Variants in MYL6B observed in about 807,000 individuals in gnomAD.
MYL6B encodes the protein myosin alkali light chain 1 slow a.
In MYL6B, 19 loss-of-function variants were observed where a neutral mutation model predicts 24.5. The observed-to-expected ratio is 0.78, with a 90% CI of 0.54 to 1.14. The LOEUF (loss-of-function observed/expected upper bound fraction) is 1.14, where lower values mean the gene tolerates loss of function less well. Among genes scored for constraint, MYL6B ranks in the 50% most tolerant of loss-of-function variants. The pLI is 0.00. For missense variants in MYL6B, 230 were observed against 263.8 expected, an observed-to-expected ratio of 0.87 and a Z score of 0.89; for synonymous variants, 90 against 100.7, an observed-to-expected ratio of 0.89 and a Z score of 0.64.
At chr12:56,152,791 C>T (rs1186295750) in intron 1 of MYL6B, among the ~76,000 whole-genome samples, 160 bp downstream of exon 1, 1 of 151,728 alleles carries the variant, frequency 6.6e-6, no homozygotes, top group Non-Finnish European at 1.5e-5. Context: ...AATGGGAGAC[C>T]CAGCATCAAC....
chr12:56,154,014 C>A (rs1336383361), exon 2 of MYL6B: 1 of 1,614,114 alleles, frequency 6.2e-7, no homozygotes, highest in African/African-American at 1.3e-5. Context: ...CTCCTCCAGC[C>A]AAGACCAAAG....
At chr12:56,157,514 C>A (rs772246249) in exon 6 of MYL6B, 1 of 1,613,812 alleles carries the variant, frequency 6.2e-7, no homozygotes, top group Admixed American at 1.7e-5. Context: ...TGGCAGGACA[C>A]GAGGACAGCA....
chr12:56,152,613 C>T (rs1485788831), exon 1 of MYL6B: 1 of 152,056 alleles, frequency 6.6e-6, no homozygotes, highest in Non-Finnish European at 1.5e-5. Flanking sequence ...TCCCCAGCCC[C>T]AGACACGGAC....
At chr12:56,156,039 C>A in intron 5 of MYL6B, 2 of 1,105,190 alleles carry the variant, frequency 1.8e-6, no homozygotes, top group Non-Finnish European at 2.2e-6. Flanking sequence ...GGTATGGTGG[C>A]TCACGCCTGT....
chr12:56,157,981 G>T (rs868348332), exon 7 of MYL6B: 1 of 583,926 alleles, frequency 1.7e-6, no homozygotes, highest in Non-Finnish European at 3.0e-6. Context: ...TTCCTCTCTT[G>T]GTTTCAGACT....
intron 4 of MYL6B, 74 bp downstream of exon 4, chr12:56,155,272 T>A: frequency 6.4e-7 from 1 of 1,560,184 alleles, no homozygotes; most frequent in South Asian, 1.2e-5. Context: ...AAGAATGAGG[T>A]GGATCTCAGG....
intron 5 of MYL6B, 103 bp downstream of exon 5, chr12:56,155,695 T>A (rs1371686208): frequency 1.3e-6 from 2 of 1,583,006 alleles, no homozygotes; most frequent in African/African-American, 1.3e-5. Context: ...AGGCTTACTG[T>A]CCTGCAGGTT....
In MYL6B at chr12:56,157,435, A is replaced by G. The variant is rs140010786; in HGVS notation, c.521-33A>G. 4.7e-4 allele frequency: 754 copies of G among 1,604,322 alleles called. 1 individual carries two copies. Among genetic ancestry groups the G allele is most frequent in the Non-Finnish European group, 6.0e-4 (708 of 1,172,134 alleles). ...TGGCCTGGGTGAGTGAAGGAGGGAA[A>G]GGAGGGCCTCAGACGTTGTGTCTGG... On this transcript the variant is annotated intron_variant, in intron 5 of 6. Coordinates refer to ENST00000553066, the Ensembl canonical transcript of MYL6B.
intron 3 of MYL6B, 42 bp downstream of exon 3, chr12:56,154,882 C>T (rs757737631): frequency 1.3e-6 from 2 of 1,598,244 alleles, no homozygotes; most frequent in East Asian, 2.2e-5. Context: ...CATCCCCAAT[C>T]CCCTGGTCAG....
At chr12:56,152,854 C>T (rs750684010) in intron 1 of MYL6B, among the ~76,000 whole-genome samples, 6 of 152,062 alleles carry the variant, frequency 3.9e-5, no homozygotes, top group Admixed American at 1.3e-4. Flanking sequence ...TACCTAAATC[C>T]TTTCCTAATT....
exon 4 of MYL6B, chr12:56,155,083 C>T (rs1241111127): frequency 6.2e-7 from 1 of 1,613,482 alleles, no homozygotes; most frequent in Non-Finnish European, 8.5e-7. Flanking sequence ...AGCTGTTTGA[C>T]CGAGTGGGGG....
At chr12:56,153,739 C>T in intron 1 of MYL6B, 134 bp from the exon 2 acceptor site, 1 of 641,750 alleles carries the variant, frequency 1.6e-6, no homozygotes, top group Non-Finnish European at 2.6e-6. Flanking sequence ...GGCAGGAGTC[C>T]TGAACCATAG....
intron 5 of MYL6B, among the ~76,000 whole-genome samples, chr12:56,156,770 G>T (rs1042384350): frequency 6.6e-6 from 1 of 151,640 alleles, no homozygotes; most frequent in Non-Finnish European, 1.5e-5. Flanking sequence ...AAAGTACAAG[G>T]CTGGGCGTGG....
exon 5 of MYL6B, chr12:56,155,509 A>G: frequency 1.9e-6 from 3 of 1,614,054 alleles, no homozygotes; most frequent in East Asian, 2.2e-5. Context: ...TATGAGGACT[A>G]CTTGGAGGGG....
At chr12:56,154,158 G>T (rs1436122682) in intron 2 of MYL6B, 66 bp downstream of exon 2, 2 of 1,468,512 alleles carry the variant, frequency 1.4e-6, no homozygotes, top group South Asian at 2.5e-5. Flanking sequence ...CAGCCTAGGG[G>T]ATTAGGGGGT....
rs1044974491 is a variant in MYL6B, at chr12:56,155,049, C to T, written c.203-6C>T. On this transcript the variant is annotated splice_region_variant and splice_polypyrimidine_tract_variant and intron_variant, in intron 3 of 6. Coordinates refer to ENST00000553066, the Ensembl canonical transcript of MYL6B. ...GTGTCTACACTGACCCTTCCTTATACTTTAGAGTTCAAGGAGGCCTTCGAG... is the reference window on the plus strand; with the variant it reads ...GTGTCTACACTGACCCTTCCTTATATTTTAGAGTTCAAGGAGGCCTTCGAG... 2 of 1,607,678 alleles carry T rather than the reference C, an allele frequency of 1.2e-6. No individual in the cohort carries two copies. The highest frequency in any genetic ancestry group is 2.7e-5 in the African/African-American group (2 of 74,650).
intron 1 of MYL6B, 179 bp from the exon 2 acceptor site, chr12:56,153,694 T>C: frequency 6.3e-6 from 3 of 478,984 alleles, no homozygotes; most frequent in Non-Finnish European, 1.1e-5. Flanking sequence ...TGGTCAGCCT[T>C]TGGGGATAAG....
chr12:56,157,628 G>A (rs563801776), intron 6 of MYL6B, 70 bp from the exon 7 acceptor site: 2 of 1,613,200 alleles, frequency 1.2e-6, no homozygotes, highest in East Asian at 2.2e-5. Context: ...GGCACCCCTG[G>A]ATTACCTAGA....
intron 1 of MYL6B, chr12:56,153,356 G>C (rs1442399032): frequency 1.1e-6 from 1 of 880,060 alleles, no homozygotes; most frequent in Non-Finnish European, 1.4e-6. Flanking sequence ...CAAGTATTAG[G>C]GATCATTAGA....
Sources: gnomAD v4.1 joint callset for allele counts (sites outside exome capture counted in the v4.1 genomes callset) on GRCh38, gnomAD v4.1.1 for gene constraint, MANE v1.5 for transcripts, NCBI Gene and HGNC (gene_info 2026-07-23, HGNC 2026-07-21) for gene names.